The following PLEKHH2 variants were observed in gnomAD, a reference collection of about 807,000 sequenced individuals.
The protein encoded by PLEKHH2 is pleckstrin homology, MyTH4 and FERM domain containing H2.
In PLEKHH2, 129 loss-of-function variants were observed where a neutral mutation model predicts 187.9. The ratio of observed to expected loss-of-function variants is 0.69; its 90% CI spans 0.59 to 0.79. PLEKHH2 has a LOEUF of 0.79. Ranked by LOEUF, PLEKHH2 falls within the 30% of genes least tolerant of loss-of-function variation. The pLI, the probability that PLEKHH2 is intolerant of heterozygous loss-of-function variation, is 0.00. For missense variants in PLEKHH2, 2,076 were observed against 1,751.2 expected (o/e 1.19, Z -3.31); for synonymous variants, 686 against 605.6 (o/e 1.13, Z -1.95).
At chr2:43,751,811 AT>A (rs1283198092) in intron 24 of PLEKHH2, among the ~76,000 whole-genome samples, 5 of 151,836 alleles carry the variant, frequency 3.3e-5, no homozygotes, top group Middle Eastern at 3.2e-3. Flanking sequence ...CTTCTTGGTC[AT>A]TTTTGTTCCT....
intron 25 of PLEKHH2, among the ~76,000 whole-genome samples, chr2:43,756,318 T>G (rs1210249794): frequency 1.3e-5 from 2 of 152,088 alleles, no homozygotes; most frequent in African/African-American, 4.8e-5. Context: ...TTTTTTGAGA[T>G]GGAGTCTTGC....
intron 2 of PLEKHH2, among the ~76,000 whole-genome samples, chr2:43,667,482 T>G (rs556091564): frequency 3.7e-4 from 56 of 152,286 alleles, no homozygotes; most frequent in African/African-American, 1.3e-3. Context: ...AACTTTTACA[T>G]GAATGTTCAT....
chr2:43,738,107 C>G (rs1261645906), intron 19 of PLEKHH2, among the ~76,000 whole-genome samples: 1 of 152,128 alleles, frequency 6.6e-6, no homozygotes, highest in Non-Finnish European at 1.5e-5. Context: ...TGAACTGACC[C>G]CTTTATCATT....
intron 7 of PLEKHH2, among the ~76,000 whole-genome samples, chr2:43,697,737 C>T (rs1174486267): frequency 6.6e-6 from 1 of 151,976 alleles, no homozygotes; most frequent in African/African-American, 2.4e-5. Flanking sequence ...CTTAATATTA[C>T]ACATAAAACA....
At chr2:43,651,877 C>A (rs548510164) in intron 2 of PLEKHH2, among the ~76,000 whole-genome samples, 1 of 152,262 alleles carries the variant, frequency 6.6e-6, no homozygotes, top group Non-Finnish European at 1.5e-5. Context: ...CCTGAATTAT[C>A]TTTCTTTCTT....
rs113616101 is a variant in PLEKHH2, at chr2:43,694,630, C to T, written c.420+116C>T. ...AAAGAATTTTGATCGGTTGGTGATA[C>T]TGCTATCTTTTGATAAATGAGATAT... On this transcript the variant is annotated intron_variant, in intron 5 of 29. Transcript: ENST00000282406. The T allele has an allele frequency of 5.7e-4, 637 of 1,110,466 alleles. 6 individuals carry two copies. In the African/African-American group the frequency reaches 9.4e-3, roughly 16 times the overall value. 68.8% of individuals were successfully genotyped at this position (1,110,466 alleles called of 1,614,324 possible).
chr2:43,699,929 T>C lies in PLEKHH2; in HGVS notation c.971T>C (p.Met324Thr). 2 of 1,614,058 alleles carry C rather than the reference T, an allele frequency of 1.2e-6. No individual in the cohort carries two copies. The highest frequency in any genetic ancestry group is 8.5e-7 in the Non-Finnish European group (1 of 1,180,018). ...GVQCSRMGSE[M>T]YLTASDDSSS... is the part of the protein sequence containing the mutation. The stretch of plus-strand genomic sequence containing the variant: ...CAGTGTAGCAGGATGGGAAGTGAAA[T>C]GTATCTGACAGCATCTGATGACAGC... The change falls in exon 8 of 30, where the codon ATG becomes ACG. Residue 324 changes from methionine (M) to threonine (T), a missense_variant. Coordinates refer to ENST00000282406, the MANE Select transcript of PLEKHH2 (RefSeq NM_172069.4).
intron 2 of PLEKHH2, chr2:43,675,847 C>G (rs750900096): frequency 6.2e-7 from 1 of 1,613,918 alleles, no homozygotes; most frequent in Admixed American, 1.7e-5. Context: ...GGATGCATCC[C>G]TTGTAAACAA....
intron 24 of PLEKHH2, among the ~76,000 whole-genome samples, chr2:43,749,869 T>A (rs185783750): frequency 1.3e-5 from 2 of 152,352 alleles, no homozygotes; most frequent in Non-Finnish European, 2.9e-5. Context: ...CAATTCTCTT[T>A]ATCATGGAAT....
chr2:43,705,092 A>G (rs535573935), intron 9 of PLEKHH2, among the ~76,000 whole-genome samples: 5 of 152,106 alleles, frequency 3.3e-5, no homozygotes, highest in Non-Finnish European at 5.9e-5. Flanking sequence ...AAAAAATAAA[A>G]CCAAACAACA....
At chr2:43,716,901 G>A (rs1558551860) in intron 15 of PLEKHH2, among the ~76,000 whole-genome samples, 1 of 152,032 alleles carries the variant, frequency 6.6e-6, no homozygotes, top group Non-Finnish European at 1.5e-5. Flanking sequence ...TCTGTCTCTT[G>A]TCACATTCTT....
intron 2 of PLEKHH2, among the ~76,000 whole-genome samples, chr2:43,655,466 C>G (rs1666706740): frequency 6.6e-6 from 1 of 152,122 alleles, no homozygotes; most frequent in Non-Finnish European, 1.5e-5. Context: ...TTTTCTGGAA[C>G]AGAAACCAGC....
intron 16 of PLEKHH2, among the ~76,000 whole-genome samples, chr2:43,723,533 C>T (rs997538598): frequency 8.5e-5 from 13 of 152,118 alleles, no homozygotes; most frequent in African/African-American, 1.7e-4. Context: ...CCCCAGGCTT[C>T]GGCTTCCCAT....
rs1031769448 is a variant in PLEKHH2 at position 43,765,643 on chromosome 2, G to A, written c.*45G>A. 1.3e-6 allele frequency: 2 copies of A among 1,576,720 alleles called. No homozygotes were observed. Among genetic ancestry groups the A allele is most frequent in the Non-Finnish European group, 1.7e-6 (2 of 1,161,690 alleles). The stretch of plus-strand genomic sequence containing the variant: ...TTCACTCCTTGTCCTCCATGCTGTG[G>A]CTGTATCAGCTCCCTACAAGTTCGT... On this transcript the variant is annotated 3_prime_UTR_variant, in exon 30 of 30. Transcript: ENST00000282406.
rs1450849245 is a variant in PLEKHH2, at chr2:43,738,464, C to T, written c.3067C>T (p.Gln1023Ter). 4 of 1,613,832 alleles carry T rather than the reference C, an allele frequency of 2.5e-6. No homozygotes were observed. In the South Asian group the frequency reaches 3.3e-5, roughly 13 times the overall value. Residue 1023 changes from glutamine to a stop codon, truncating the protein, a stop_gained, in exon 20 of 30, where the codon CAG (glutamine) becomes TAG (stop). Transcript: ENST00000282406. LOFTEE classifies it high-confidence loss of function. ...TGAGCTGCAGAATGAAATTTGCTGT[C>T]AGCTTATTAAACAGACAAGACGAAG... is the stretch of plus-strand genomic sequence containing the variant. ...HPELQNEICC[Q>*]LIKQTRRRQP... is the part of the protein sequence containing the mutation.
At chr2:43,734,524 G>T (rs943139255) in intron 19 of PLEKHH2, among the ~76,000 whole-genome samples, 1 of 152,172 alleles carries the variant, frequency 6.6e-6, no homozygotes, top group African/African-American at 2.4e-5. Context: ...AATCATCAGG[G>T]AAATGCAAAT....
At chr2:43,731,021 C>T (rs1328869197) in intron 18 of PLEKHH2, among the ~76,000 whole-genome samples, 1 of 152,102 alleles carries the variant, frequency 6.6e-6, no homozygotes, top group Non-Finnish European at 1.5e-5. Context: ...AATTAGGACC[C>T]AACTCTTCTA....
intron 21 of PLEKHH2, among the ~76,000 whole-genome samples, chr2:43,741,795 G>A (rs1671575173): frequency 6.6e-6 from 1 of 152,008 alleles, no homozygotes; most frequent in African/African-American, 2.4e-5. Flanking sequence ...CTGCCTACAG[G>A]GCACTTGAAT....
At chr2:43,744,211 A>G in intron 23 of PLEKHH2, 1 of 1,004,478 alleles carries the variant, frequency 1.0e-6, no homozygotes, top group Non-Finnish European at 1.3e-6. Flanking sequence ...AAGAGAGGAA[A>G]GGTGTTAGTA....
Sources: allele counts gnomAD v4.1 joint callset (sites outside exome capture counted in the v4.1 genomes callset), GRCh38; gene constraint gnomAD v4.1.1; transcripts MANE v1.5; gene names NCBI Gene and HGNC (gene_info 2026-07-23, HGNC 2026-07-21).